The following CD163L1 variants were observed in gnomAD, a reference collection of about 807,000 sequenced individuals.
CD163L1 encodes CD163 molecule like 1, also known as scavenger receptor cysteine-rich type 1 protein M160.
A neutral mutation model predicts 165.4 loss-of-function variants in CD163L1; 124 were observed. The ratio of observed to expected loss-of-function variants is 0.75; its 90% confidence interval spans 0.65 to 0.87. The LOEUF (loss-of-function observed/expected upper bound fraction) is 0.87, where lower values mean the gene tolerates loss of function less well. Ranked by LOEUF, CD163L1 falls within the 40% of genes least tolerant of loss-of-function variation. The probability of loss-of-function intolerance (pLI) is 0.00; values close to 1 mark genes in which losing one functional copy is unlikely to be tolerated. For missense variants in CD163L1, 1,525 were observed against 1,799.9 expected (o/e 0.85, Z 2.76); for synonymous variants, 585 against 662.2 (o/e 0.88, Z 1.79).
At chr12:7,378,652 C>T (rs1947320740) in intron 9 of CD163L1, among the ~76,000 whole-genome samples, 1 of 152,272 alleles carries the variant, frequency 6.6e-6, no homozygotes, top group East Asian at 1.9e-4. Flanking sequence ...AACACTTCTT[C>T]ATATGATTAA....
In CD163L1 at chr12:7,370,004, C is replaced by G. The variant is rs183415065; in HGVS notation, c.3731-339G>C. Reference sequence around the variant, plus strand: ...GACCCAAACATCCTATCTTGCCCCTCTCATTTTCACAATTTCTCCAAATAT... The same window carrying G: ...GACCCAAACATCCTATCTTGCCCCTGTCATTTTCACAATTTCTCCAAATAT... On this transcript the variant is annotated intron_variant, in intron 14 of 19. Coordinates refer to ENST00000313599, the MANE Select transcript of CD163L1 (RefSeq NM_174941.6). Among the ~76,000 whole-genome samples, 7 of 152,342 alleles carry G rather than the reference C, an allele frequency of 4.6e-5. No homozygotes were observed. In the East Asian group the frequency reaches 1.2e-3, roughly 25 times the overall value.
chr12:7,346,891 T>G (rs1262039473), exon 5 of CD163L1: 2 of 152,178 alleles, frequency 1.3e-5, no homozygotes, highest in East Asian at 3.9e-4. Flanking sequence ...TGTTAGGGAT[T>G]GTGGGAAATA....
intron 4 of CD163L1, among the ~76,000 whole-genome samples, chr12:7,425,779 C>T (rs537504814): frequency 3.2e-4 from 49 of 152,108 alleles, no homozygotes; most frequent in Non-Finnish European, 5.9e-4. Context: ...CAATGAGATA[C>T]ATCTCACACC....
chr12:7,369,721 G>T lies in CD163L1; in HGVS notation c.3731-56C>A. On this transcript the variant is annotated intron_variant, in intron 14 of 19. Coordinates refer to ENST00000313599, the MANE Select transcript of CD163L1 (RefSeq NM_174941.6). This position sits in a 1 kb window ranked among gnomAD's most constrained non-coding sequence, Gnocchi z 4.9. The stretch of plus-strand genomic sequence containing the variant: ...CTCCTGAAGGAGGTTGTGGGAGAAT[G>T]CTGAGGTAGAAAAACTTGAAAGTAG... 6.6e-7 allele frequency: 1 copy of T among 1,517,792 alleles called. No individual in the cohort carries two copies. 94.0% of individuals were successfully genotyped at this position (1,517,792 alleles called of 1,614,324 possible).
intron 5 of CD163L1, 112 bp downstream of exon 5, chr12:7,406,420 A>G (rs1363922951): frequency 2.0e-6 from 2 of 982,180 alleles, no homozygotes; most frequent in East Asian, 5.1e-5. Flanking sequence ...ATTGGTTGTA[A>G]CTTCTTCACA....
Position 7,398,388 on chromosome 12 carries a change from T to C in CD163L1, c.1605A>G (p.Ser535=). 2 of 1,614,194 alleles carry C rather than the reference T, an allele frequency of 1.2e-6. No individual in the cohort carries two copies. The highest frequency in any genetic ancestry group is 2.2e-5 in the East Asian group (1 of 44,876). The change falls in exon 7 of 20, where the codon TCA becomes TCG. Residue 535 remains serine, a synonymous_variant. Transcript: ENST00000313599. This position sits in a 1 kb window ranked among gnomAD's most constrained non-coding sequence, Gnocchi z 4.5. The stretch of plus-strand genomic sequence containing the variant: ...AAACGTCATCCAGCCAAATAGGTCC[T>C]GATGCTTCTTTAAAATAGGTCATAC... ...VFGMTYFKEA[S]GPIWLDDVSC...
At chr12:7,367,387 T>G in intron 17 of CD163L1, 56 bp from the exon 18 acceptor site, 1 of 1,107,358 alleles carries the variant, frequency 9.0e-7, no homozygotes, top group Non-Finnish European at 1.4e-6. Context: ...ATCCCTTATA[T>G]TAGGACACTT....
At chr12:7,439,129 C>G (rs1948779379) in intron 2 of CD163L1, 1 of 1,572,474 alleles carries the variant, frequency 6.4e-7, no homozygotes, top group Middle Eastern at 1.7e-4. Flanking sequence ...TGTTTTGTTT[C>G]TCTTCTCTGC....
rs749669056 is a variant in CD163L1, at chr12:7,373,511, A to G, written c.3539T>C (p.Val1180Ala). ...RNITTAIAGI[V>A]CRQLGCGENG... is the part of the protein sequence containing the mutation. ...CTCCCCACAGCCCAGCTGCCTGCAC[A>G]CAATGCCTGCTATGGCTGTGGTGAT... The change falls in exon 14 of 20, where the codon GTG (valine) becomes GCG (alanine). Residue 1180 changes from valine to alanine, a missense_variant. Physicochemically the swap from Val to Ala is moderately conservative, Grantham distance 64. Coordinates refer to ENST00000313599, the MANE Select transcript of CD163L1 (RefSeq NM_174941.6). 6.2e-7 allele frequency: 1 copy of G among 1,614,206 alleles called. No homozygotes were observed. The highest frequency in any genetic ancestry group is 8.5e-7 in the Non-Finnish European group (1 of 1,180,018).
At chr12:7,435,567 AT>A (rs2136639991) in intron 2 of CD163L1, among the ~76,000 whole-genome samples, 1 of 152,102 alleles carries the variant, frequency 6.6e-6, no homozygotes, top group East Asian at 1.9e-4. Context: ...AACTCTGAAT[AT>A]TTAAAATATG....
At chr12:7,413,568 T>C (rs1260154324) in intron 4 of CD163L1, among the ~76,000 whole-genome samples, 1 of 152,198 alleles carries the variant, frequency 6.6e-6, no homozygotes, top group Non-Finnish European at 1.5e-5. Context: ...AATCTATGCA[T>C]CTCGCCCCTG....
intron 18 of CD163L1, among the ~76,000 whole-genome samples, chr12:7,361,787 T>C (rs1354628195): frequency 6.6e-6 from 1 of 152,174 alleles, no homozygotes; most frequent in East Asian, 1.9e-4. Flanking sequence ...AAGATTTTTT[T>C]TAAGTGTACG....
the CD163L1 span, among the ~76,000 whole-genome samples, chr12:7,330,998 C>G: frequency 6.6e-6 from 1 of 152,152 alleles, no homozygotes; most frequent in Non-Finnish European, 1.5e-5. Flanking sequence ...ATCGCCTCAC[C>G]CAGGAAGCAA....
At chr12:7,342,800 G>A (rs956204814), downstream of CD163L1, among the ~76,000 whole-genome samples, 7 of 152,140 alleles carry the variant, frequency 4.6e-5, no homozygotes, top group African/African-American at 1.7e-4. Context: ...GATGCATGGG[G>A]AAGAAATTGC....
chr12:7,346,257 G>A (rs987560324), downstream of CD163L1, among the ~76,000 whole-genome samples: 8 of 152,042 alleles, frequency 5.3e-5, no homozygotes, highest in Admixed American at 5.2e-4. Flanking sequence ...ATTGCTGGGG[G>A]CCACATTTAT....
intron 2 of CD163L1, chr12:7,439,908 G>A (rs1948794091): frequency 1.9e-6 from 3 of 1,598,530 alleles, no homozygotes; most frequent in East Asian, 2.3e-5. Context: ...CTCCTTCTTC[G>A]ACTTCGGCCA....
At chr12:7,321,178 C>CA in the CD163L1 span, among the ~76,000 whole-genome samples, 2 of 150,902 alleles carry the variant, frequency 1.3e-5, no homozygotes, top group Admixed American at 6.6e-5. Flanking sequence ...AACTCCCACT[C>CA]AAAAAAAAAT....
At chr12:7,441,783 C>T (rs1450395256) in intron 1 of CD163L1, among the ~76,000 whole-genome samples, 1 of 152,162 alleles carries the variant, frequency 6.6e-6, no homozygotes, top group Admixed American at 6.5e-5. Flanking sequence ...ATTTGGAGGT[C>T]ACTATAATAA....
intron 8 of CD163L1, among the ~76,000 whole-genome samples, chr12:7,395,206 A>G (rs2136493385): frequency 6.6e-6 from 1 of 152,384 alleles, no homozygotes; most frequent in East Asian, 1.9e-4. Context: ...GATGTCCATC[A>G]GTGATAGACT....
Sources: gnomAD v4.1 joint callset for allele counts (sites outside exome capture counted in the v4.1 genomes callset) on GRCh38, gnomAD v4.1.1 for gene constraint, Gnocchi (gnomAD v3.1) non-coding constraint, MANE v1.5 for transcripts, NCBI Gene and HGNC (gene_info 2026-07-23, HGNC 2026-07-21) for gene names.